The following STK32B variants were observed in gnomAD, a reference collection of about 807,000 sequenced individuals.
STK32B encodes serine/threonine-protein kinase 32B.
Under a neutral mutation model 52.6 loss-of-function variants are expected in STK32B, and 43 were observed. The observed-to-expected ratio is 0.82, with a 90% CI of 0.64 to 1.05. The LOEUF (loss-of-function observed/expected upper bound fraction) is 1.05, where lower values mean the gene tolerates loss of function less well. Ranked by LOEUF, STK32B falls within the 50% of genes least tolerant of loss-of-function variation. The probability of loss-of-function intolerance (pLI) is 0.00; values close to 1 mark genes in which losing one functional copy is unlikely to be tolerated. For missense variants in STK32B, 621 were observed against 534.6 expected (o/e 1.16, Z -1.59); for synonymous variants, 238 against 204.3 (o/e 1.17, Z -1.41).
At chr4:5,045,431 C>T in the STK32B span, among the ~76,000 whole-genome samples, 1 of 152,194 alleles carries the variant, frequency 6.6e-6, no homozygotes, top group Non-Finnish European at 1.5e-5. Context: ...AGTGAAGCTT[C>T]CCTGACCACT....
At chr4:5,077,129 C>A (rs950626680) in intron 1 of STK32B, among the ~76,000 whole-genome samples, 3 of 152,194 alleles carry the variant, frequency 2.0e-5, no homozygotes, top group African/African-American at 7.2e-5. Context: ...TCTTTCTGTA[C>A]ATGCAGCAAC....
chr4:5,405,411 C>T (rs1384257516), intron 5 of STK32B, among the ~76,000 whole-genome samples: 6 of 152,126 alleles, frequency 3.9e-5, no homozygotes, highest in Non-Finnish European at 7.3e-5. Flanking sequence ...TGAGGGAGTG[C>T]TATGGTCTGA....
chr4:5,168,714 A>G (rs1451772153), intron 3 of STK32B, among the ~76,000 whole-genome samples: 1 of 152,244 alleles, frequency 6.6e-6, no homozygotes, highest in Admixed American at 6.5e-5. Flanking sequence ...TTGAGAAGAT[A>G]CGTGGAACGT....
At chr4:5,146,134 A>G (rs1001574962) in intron 2 of STK32B, among the ~76,000 whole-genome samples, 13 of 151,224 alleles carry the variant, frequency 8.6e-5, no homozygotes, top group Admixed American at 8.6e-4. Flanking sequence ...ACGATTGTCT[A>G]GAGGGACAGA....
chr4:5,478,982 A>C (rs1236186829), intron 11 of STK32B, among the ~76,000 whole-genome samples: 1 of 152,190 alleles, frequency 6.6e-6, no homozygotes, highest in Non-Finnish European at 1.5e-5. Flanking sequence ...GGCTCCTCCA[A>C]GTCAGACTCC....
intron 5 of STK32B, among the ~76,000 whole-genome samples, chr4:5,409,557 T>G (rs1737887102): frequency 6.6e-6 from 1 of 152,092 alleles, no homozygotes; most frequent in Admixed American, 6.5e-5. Context: ...ACACTAAAAA[T>G]TTCTGAGCTC....
rs917030846 is a variant in STK32B, at chr4:5,398,205, A to G, written c.435-2A>G. 9 of 1,614,018 alleles carry G rather than the reference A, an allele frequency of 5.6e-6. No individual in the cohort carries two copies. Among genetic ancestry groups the G allele is most frequent in the Non-Finnish European group, 6.8e-6 (8 of 1,179,980 alleles). ...TGCCAGCTTCTTTGTTTTCTTTTACAGAGACATCAAGCCAGACAATATCCT... is the reference window on the plus strand; with the variant it reads ...TGCCAGCTTCTTTGTTTTCTTTTACGGAGACATCAAGCCAGACAATATCCT... On this transcript the variant is annotated splice_acceptor_variant, in intron 4 of 11. Transcript: ENST00000282908. LOFTEE classifies it high-confidence loss of function. This position sits in a 1 kb window ranked among gnomAD's most constrained non-coding sequence, Gnocchi z 4.9.
At chr4:5,468,126 C>A in intron 11 of STK32B, 56 bp downstream of exon 11, 1 of 1,577,912 alleles carries the variant, frequency 6.3e-7, no homozygotes, top group Non-Finnish European at 8.7e-7. Context: ...GACCCAAGGT[C>A]CTCCTGGCAG....
intron 3 of STK32B, among the ~76,000 whole-genome samples, chr4:5,285,523 A>T (rs1042228643): frequency 6.6e-6 from 1 of 152,192 alleles, no homozygotes; most frequent in Non-Finnish European, 1.5e-5. Context: ...ATTATAGTAC[A>T]AATTGACTGC....
At chr4:5,464,491 G>T (rs1292249833) in intron 9 of STK32B, among the ~76,000 whole-genome samples, 2 of 152,222 alleles carry the variant, frequency 1.3e-5, no homozygotes, top group Non-Finnish European at 2.9e-5. Flanking sequence ...GGTGAGGGCC[G>T]CGAAGTGTTG....
At chr4:5,228,291 A>G (rs1724009814) in intron 3 of STK32B, among the ~76,000 whole-genome samples, 1 of 152,202 alleles carries the variant, frequency 6.6e-6, no homozygotes, top group Admixed American at 6.5e-5. Context: ...CGATTGAGTC[A>G]GTCTTCATGT....
At chr4:5,029,743 G>C in the STK32B span, among the ~76,000 whole-genome samples, 1 of 152,198 alleles carries the variant, frequency 6.6e-6, no homozygotes, top group Non-Finnish European at 1.5e-5. Context: ...AGAGCTGCAA[G>C]CTGATAAATG....
intron 3 of STK32B, among the ~76,000 whole-genome samples, chr4:5,297,135 C>T (rs1729255196): frequency 6.6e-6 from 1 of 152,148 alleles, no homozygotes; most frequent in African/African-American, 2.4e-5. Context: ...AGGGTTTCCG[C>T]AGAGATATCC....
intron 3 of STK32B, among the ~76,000 whole-genome samples, chr4:5,313,135 C>T (rs964152442): frequency 6.7e-6 from 1 of 150,012 alleles, no homozygotes; most frequent in African/African-American, 2.4e-5. Context: ...TACTTTTGCT[C>T]CAACCTATTA....
intron 4 of STK32B, among the ~76,000 whole-genome samples, chr4:5,355,345 C>T (rs748555261): frequency 6.6e-6 from 1 of 152,164 alleles, no homozygotes; most frequent in South Asian, 2.1e-4. Context: ...TTGCAACCCT[C>T]GTCTGGCTCC....
chr4:5,052,904 C>T (rs1741847040), intron 1 of STK32B, among the ~76,000 whole-genome samples: 1 of 152,204 alleles, frequency 6.6e-6, no homozygotes, highest in African/African-American at 2.4e-5. Flanking sequence ...TCACTCCATC[C>T]TTTTCATGCC....
intron 3 of STK32B, among the ~76,000 whole-genome samples, chr4:5,189,853 C>G (rs1721039891): frequency 6.6e-6 from 1 of 152,150 alleles, no homozygotes; most frequent in African/African-American, 2.4e-5. Context: ...TTTGTTCACT[C>G]CAGTAGGCGT....
intron 4 of STK32B, among the ~76,000 whole-genome samples, chr4:5,348,329 G>A (rs1733602311): frequency 6.6e-6 from 1 of 152,154 alleles, no homozygotes; most frequent in African/African-American, 2.4e-5. Flanking sequence ...CTTCTTCCCA[G>A]TCCTAAGCAG....
intron 6 of STK32B, among the ~76,000 whole-genome samples, chr4:5,430,639 G>C (rs557563215): frequency 9.9e-5 from 15 of 152,252 alleles, no homozygotes; most frequent in Admixed American, 8.5e-4. Flanking sequence ...TTTGCATGAT[G>C]TAAAGGAAAA....
Sources: gnomAD v4.1 joint callset for allele counts (sites outside exome capture counted in the v4.1 genomes callset) on GRCh38, gnomAD v4.1.1 for gene constraint, Gnocchi (gnomAD v3.1) non-coding constraint, MANE v1.5 for transcripts, NCBI Gene and HGNC (gene_info 2026-07-23, HGNC 2026-07-21) for gene names.